The following CA4 variants were observed in gnomAD, a reference collection of about 807,000 sequenced individuals.
CA4 encodes CA-IV.
In CA4, 24 loss-of-function variants were observed where a neutral mutation model predicts 34.5. That is an observed-to-expected ratio of 0.70 (90% confidence interval 0.50 to 0.98). The LOEUF is 0.98. Among genes scored for constraint, CA4 ranks in the 50% least tolerant of loss-of-function variants. The pLI, the probability that CA4 is intolerant of heterozygous loss-of-function variation, is 0.00. For synonymous variants in CA4, 178 were observed against 170.6 expected, an observed-to-expected ratio of 1.04 and a Z score of -0.34; for missense variants, 394 against 396.7, an observed-to-expected ratio of 0.99 and a Z score of 0.06.
chr17:60,168,831 T>C (rs1227304261), intron 5 of CA4, among the ~76,000 whole-genome samples: 1 of 152,080 alleles, frequency 6.6e-6, no homozygotes, highest in Admixed American at 6.6e-5. Context: ...CCATCAGTAC[T>C]TTGAGGGAGA....
chr17:60,161,009 A>C (rs1259977293), downstream of CA4, among the ~76,000 whole-genome samples: 1 of 151,718 alleles, frequency 6.6e-6, no homozygotes, highest in Admixed American at 6.6e-5. Context: ...TGAAGGCAGA[A>C]CGCAGGGACA....
At chr17:60,173,196 A>G (rs535195271), downstream of CA4, among the ~76,000 whole-genome samples, 1 of 152,252 alleles carries the variant, frequency 6.6e-6, no homozygotes, top group Admixed American at 6.5e-5. Flanking sequence ...ATACATAAAT[A>G]AAATGGATAT....
downstream of CA4, among the ~76,000 whole-genome samples, chr17:60,175,523 T>C (rs1228532153): frequency 2.7e-5 from 4 of 150,032 alleles, no homozygotes; most frequent in Admixed American, 2.7e-4. Flanking sequence ...GAGCCATGAT[T>C]ACCTCACTGC....
the CA4 span, among the ~76,000 whole-genome samples, chr17:60,176,646 C>T: frequency 1.3e-5 from 2 of 152,258 alleles, no homozygotes; most frequent in African/African-American, 4.8e-5. Context: ...GCTTCCCTGC[C>T]ATAACTTTCT....
chr17:60,168,234 TC>T (rs2083875035), intron 5 of CA4, among the ~76,000 whole-genome samples: 2 of 108,994 alleles, frequency 1.8e-5, no homozygotes, highest in Middle Eastern at 4.3e-3. Flanking sequence ...AAGGGTGATT[TC>T]TTTTTTTCGG....
chr17:60,162,200 T>C (rs1281216411), downstream of CA4, among the ~76,000 whole-genome samples: 1 of 152,014 alleles, frequency 6.6e-6, no homozygotes, highest in Non-Finnish European at 1.5e-5. Context: ...CCCAGCCAAG[T>C]CACCAGGGCC....
At chr17:60,163,968 G>A (rs115631864), downstream of CA4, among the ~76,000 whole-genome samples, 4 of 151,856 alleles carry the variant, frequency 2.6e-5, no homozygotes, top group East Asian at 1.9e-4. Flanking sequence ...CTGTCTCTAC[G>A]AGGGGGAAAA....
chr17:60,155,016 C>T (rs2083652777), intron 1 of CA4, among the ~76,000 whole-genome samples: 2 of 152,132 alleles, frequency 1.3e-5, no homozygotes, highest in Non-Finnish European at 2.9e-5. Flanking sequence ...ATGGAGTATC[C>T]AAGCCAGCCC....
At chr17:60,161,284 G>T (rs892903382), downstream of CA4, among the ~76,000 whole-genome samples, 3 of 152,084 alleles carry the variant, frequency 2.0e-5, no homozygotes, top group Non-Finnish European at 2.9e-5. Context: ...GGACCCACGC[G>T]GTCCCCAAGC....
rs767868852 is a variant in CA4, at chr17:60,158,389, C to T, written c.687C>T (p.Cys229=). The T allele has an allele frequency of 1.1e-5, 18 of 1,614,012 alleles. No homozygotes were observed. Among genetic ancestry groups the T allele is most frequent in the Middle Eastern group, 1.6e-4 (1 of 6,084 alleles). Residue 229 remains cysteine (C), a synonymous_variant, in exon 7 of 8, where the codon TGC becomes TGT. Coordinates refer to ENST00000300900, the MANE Select transcript of CA4 (RefSeq NM_000717.5). ...RYLGSLTTPT[C]DEKVVWTVFR... ...TGGGCTCACTCACCACACCGACCTG[C>T]GATGAGAAGGTCGTCTGGACTGTGT...
intron 2 of CA4, among the ~76,000 whole-genome samples, chr17:60,156,273 A>T (rs1302834952): frequency 6.6e-6 from 1 of 151,960 alleles, no homozygotes; most frequent in Non-Finnish European, 1.5e-5. Context: ...AGTTGTCCCT[A>T]CCCCGGAGCT....
At chr17:60,161,447 T>G (rs1487257211), downstream of CA4, among the ~76,000 whole-genome samples, 2 of 152,002 alleles carry the variant, frequency 1.3e-5, no homozygotes, top group Non-Finnish European at 2.9e-5. Flanking sequence ...GAGGACCCCT[T>G]TGGCAGGCTG....
chr17:60,158,466 G>C lies in CA4; in HGVS notation c.744+20G>C, dbSNP rs774345264. The C allele has an allele frequency of 1.9e-6, 3 of 1,612,166 alleles. No homozygotes were observed. The highest frequency in any genetic ancestry group is 4.5e-5 in the East Asian group (2 of 44,860). ...GAACAGGTGCACAGGGCCTGGGGCA[G>C]GGCATGGGCTCCCACTGCCTGGCTC... On this transcript the variant is annotated intron_variant, in intron 7 of 7. Coordinates refer to ENST00000300900, the MANE Select transcript of CA4 (RefSeq NM_000717.5).
intron 1 of CA4, among the ~76,000 whole-genome samples, chr17:60,152,972 C>T (rs1468869485): frequency 6.6e-6 from 1 of 152,198 alleles, no homozygotes; most frequent in Non-Finnish European, 1.5e-5. Context: ...ATTTACTACA[C>T]AGACCCAGAC....
At chr17:60,155,580 C>A (rs2083667027) in intron 2 of CA4, among the ~76,000 whole-genome samples, 2 of 151,262 alleles carry the variant, frequency 1.3e-5, no homozygotes, top group Admixed American at 1.3e-4. Flanking sequence ...CACACACTCA[C>A]ACAGAAACAC....
At chr17:60,154,116 C>A (rs1436209692) in intron 1 of CA4, among the ~76,000 whole-genome samples, 1 of 152,076 alleles carries the variant, frequency 6.6e-6, no homozygotes, top group East Asian at 1.9e-4. Context: ...TCAGCTTTGG[C>A]TGAGTGGGAA....
At chr17:60,155,024 C>T (rs532391971) in intron 1 of CA4, among the ~76,000 whole-genome samples, 1 of 152,276 alleles carries the variant, frequency 6.6e-6, no homozygotes, top group South Asian at 2.1e-4. Context: ...TCCAAGCCAG[C>T]CCCATGTTAG....
At chr17:60,154,876 C>G (rs894515516) in intron 1 of CA4, among the ~76,000 whole-genome samples, 2 of 152,302 alleles carry the variant, frequency 1.3e-5, no homozygotes, top group East Asian at 3.9e-4. Context: ...GAAGGCTGCC[C>G]GGTTGAACCT....
chr17:60,177,844 G>C, the CA4 span, among the ~76,000 whole-genome samples: 2 of 152,136 alleles, frequency 1.3e-5, no homozygotes, highest in African/African-American at 4.8e-5. Context: ...TACTATCTAT[G>C]AGGAAGAAAG....
Sources: allele counts gnomAD v4.1 joint callset (sites outside exome capture counted in the v4.1 genomes callset), GRCh38; gene constraint gnomAD v4.1.1; transcripts MANE v1.5; gene names NCBI Gene and HGNC (gene_info 2026-07-23, HGNC 2026-07-21).